The following MAN1A1 variants were observed in gnomAD, a reference collection of about 807,000 sequenced individuals.
MAN1A1 encodes mannosyl-oligosaccharide 1,2-alpha-mannosidase IA.
In MAN1A1, 29 loss-of-function variants were observed where a neutral mutation model predicts 70.8. The observed-to-expected ratio is 0.41, with a 90% CI of 0.31 to 0.56. The LOEUF is 0.56. Among genes scored for constraint, MAN1A1 ranks in the 20% least tolerant of loss-of-function variants. MAN1A1 has a pLI of 0.29. For synonymous variants in MAN1A1, 349 were observed against 330.1 expected, an observed-to-expected ratio of 1.06 and a Z score of -0.62; for missense variants, 747 against 841.3, an observed-to-expected ratio of 0.89 and a Z score of 1.39.
intron 2 of MAN1A1, among the ~76,000 whole-genome samples, chr6:119,319,614 A>G (rs1772952271): frequency 6.6e-6 from 1 of 152,194 alleles, no homozygotes; most frequent in African/African-American, 2.4e-5. Context: ...GCAGAGGTGA[A>G]ATTGTTTTAT....
chr6:119,188,172 CTCCT>C, intron 11 of MAN1A1, among the ~76,000 whole-genome samples: 1 of 152,278 alleles, frequency 6.6e-6, no homozygotes, highest in Non-Finnish European at 1.5e-5. Context: ...TTCTAGTTAT[CTCCT>C]TCAATATCTA....
At position 119,178,685 on chromosome 6, in the gene MAN1A1, T is replaced by A. The variant is rs1351134422; in HGVS notation, c.*1134A>T. The stretch of plus-strand genomic sequence containing the variant: ...GTGTTGACTATAACCATACTAAATA[T>A]GCTATATTCTTATTTGGCCTAAAAT... On this transcript the variant is annotated 3_prime_UTR_variant, in exon 13 of 13. Transcript: ENST00000368468. 1 of 152,142 alleles carries A rather than the reference T, an allele frequency of 6.6e-6. No homozygotes were observed. Among genetic ancestry groups the A allele is most frequent in the East Asian group, 1.9e-4 (1 of 5,200 alleles). 9.4% of individuals were successfully genotyped at this position (152,142 alleles called of 1,614,324 possible).
At chr6:119,206,335 G>A (rs1773859077) in intron 6 of MAN1A1, among the ~76,000 whole-genome samples, 2 of 152,152 alleles carry the variant, frequency 1.3e-5, no homozygotes, top group African/African-American at 4.8e-5. Flanking sequence ...TTTTTGCCAT[G>A]TATCAGTCAC....
At chr6:119,342,686 C>T (rs957778661) in intron 2 of MAN1A1, among the ~76,000 whole-genome samples, 12 of 152,276 alleles carry the variant, frequency 7.9e-5, no homozygotes, top group African/African-American at 2.2e-4. Flanking sequence ...ATCGCCAGAA[C>T]CTACTTGGGT....
intron 8 of MAN1A1, among the ~76,000 whole-genome samples, chr6:119,199,925 C>T (rs1773671594): frequency 6.6e-6 from 1 of 150,958 alleles, no homozygotes; most frequent in African/African-American, 2.4e-5. Context: ...GGGACCCTGT[C>T]CCACAAAAAA....
chr6:119,344,961 C>T (rs1773687252), intron 2 of MAN1A1, among the ~76,000 whole-genome samples: 1 of 152,130 alleles, frequency 6.6e-6, no homozygotes, highest in Non-Finnish European at 1.5e-5. Flanking sequence ...CATGACAAAT[C>T]TAAGGCTGCC....
chr6:119,189,373 G>A (rs1483384136), intron 10 of MAN1A1, among the ~76,000 whole-genome samples: 1 of 152,184 alleles, frequency 6.6e-6, no homozygotes, highest in Non-Finnish European at 1.5e-5. Context: ...TCTCTTTGCA[G>A]GGAGATAGAG....
intron 10 of MAN1A1, 130 bp from the exon 11 acceptor site, chr6:119,188,707 G>A (rs1216956110): frequency 4.0e-6 from 3 of 752,994 alleles, no homozygotes; most frequent in Non-Finnish European, 6.4e-6. Context: ...GACCCTCCGA[G>A]GATAACAAAA....
Position 119,242,987 on chromosome 6 carries a change from A to AT in MAN1A1, c.992+5272_992+5273insA, listed in dbSNP as rs887303671. ...TTAAAAAAAATCCAACTGGGGGAAGAAAAAGAAACCATAAAGAAGGTTAAC... is the reference window on the plus strand; with the variant it reads ...TTAAAAAAAATCCAACTGGGGGAAGATAAAAGAAACCATAAAGAAGGTTAAC... On this transcript the variant is annotated intron_variant, in intron 6 of 12. Coordinates refer to ENST00000368468, the MANE Select transcript of MAN1A1 (RefSeq NM_005907.4). Among the ~76,000 whole-genome samples, 150 of 152,246 alleles carry AT rather than the reference A, an allele frequency of 9.9e-4. 1 individual carries two copies. Among genetic ancestry groups the AT allele is most frequent in the African/African-American group, 3.5e-3 (145 of 41,580 alleles).
chr6:119,215,627 C>G (rs1280821886), intron 6 of MAN1A1, among the ~76,000 whole-genome samples: 2 of 152,156 alleles, frequency 1.3e-5, no homozygotes, highest in Non-Finnish European at 2.9e-5. Flanking sequence ...ACACTTGGCA[C>G]AAAATATATC....
chr6:119,311,051 G>A (rs1488950244), intron 2 of MAN1A1, among the ~76,000 whole-genome samples: 1 of 152,190 alleles, frequency 6.6e-6, no homozygotes, highest in African/African-American at 2.4e-5. Context: ...GTGACTCTAA[G>A]CAAGGCAATT....
intron 4 of MAN1A1, among the ~76,000 whole-genome samples, chr6:119,300,875 CAATT>C: frequency 1.3e-5 from 2 of 152,242 alleles, no homozygotes; most frequent in Middle Eastern, 6.8e-3. Context: ...GTATATATAG[CAATT>C]AATTAGGGGA....
Position 119,180,395 on chromosome 6 carries a change from G to A in MAN1A1, c.1752C>T (p.Gly584=). The change falls in exon 12 of 13, where the codon GGC becomes GGT. Residue 584 remains glycine, a synonymous_variant. Coordinates refer to ENST00000368468, the MANE Select transcript of MAN1A1 (RefSeq NM_005907.4). ...ALENHCRVNG[G]YSGLRDVYLL... ...GGTAAACATCCCTTAGGCCTGAATA[G>A]CCTCCATTCACTCTGCAATGGTTTT... 1 of 1,612,754 alleles carries A rather than the reference G, an allele frequency of 6.2e-7. No individual in the cohort carries two copies. Among genetic ancestry groups the A allele is most frequent in the Non-Finnish European group, 8.5e-7 (1 of 1,179,104 alleles).
At chr6:119,335,483 G>A (rs1443661017) in intron 2 of MAN1A1, among the ~76,000 whole-genome samples, 2 of 152,166 alleles carry the variant, frequency 1.3e-5, no homozygotes, top group Non-Finnish European at 2.9e-5. Flanking sequence ...CTTAATCTGG[G>A]TTACATTTAG....
At chr6:119,342,882 T>C (rs887570753) in intron 2 of MAN1A1, among the ~76,000 whole-genome samples, 1 of 152,190 alleles carries the variant, frequency 6.6e-6, no homozygotes, top group Non-Finnish European at 1.5e-5. Context: ...CTTTCACCCT[T>C]TGTATATACA....
intron 5 of MAN1A1, among the ~76,000 whole-genome samples, chr6:119,272,422 G>C (rs1423203494): frequency 1.3e-5 from 2 of 152,096 alleles, no homozygotes; most frequent in Non-Finnish European, 2.9e-5. Flanking sequence ...TTTACTGCTT[G>C]TAACAACAGG....
rs28535458 is a variant in MAN1A1, at chr6:119,305,413, C to T, written c.700+1483G>A. 2.9e-3 allele frequency among the ~76,000 whole-genome samples: 441 copies of T among 152,158 alleles called. 2 individuals are homozygous for T. Among genetic ancestry groups the T allele is most frequent in the African/African-American group, 0.01 (425 of 41,520 alleles). On this transcript the variant is annotated intron_variant, in intron 3 of 12. Coordinates refer to ENST00000368468, the MANE Select transcript of MAN1A1 (RefSeq NM_005907.4). Reference sequence around the variant, plus strand: ...GTAATAAACAATGAAAAAATAAAGGCCTCTGGCTCTGCATGAGGTTTCAGA... The same window carrying T: ...GTAATAAACAATGAAAAAATAAAGGTCTCTGGCTCTGCATGAGGTTTCAGA...
intron 6 of MAN1A1, among the ~76,000 whole-genome samples, chr6:119,228,267 G>A (rs1484990524): frequency 6.6e-6 from 1 of 152,132 alleles, no homozygotes; most frequent in African/African-American, 2.4e-5. Context: ...CAAAGAATGT[G>A]ATTAACTTCA....
At chr6:119,301,956 A>C in intron 4 of MAN1A1, 32 bp downstream of exon 4, 2 of 1,154,800 alleles carry the variant, frequency 1.7e-6, no homozygotes, top group Non-Finnish European at 2.6e-6. Flanking sequence ...CTGAAATTTA[A>C]GGACTGAATT....
Sources: gnomAD v4.1 joint callset for allele counts (sites outside exome capture counted in the v4.1 genomes callset) on GRCh38, gnomAD v4.1.1 for gene constraint, MANE v1.5 for transcripts, NCBI Gene and HGNC (gene_info 2026-07-23, HGNC 2026-07-21) for gene names.